Variants in CACNA1C observed in about 807,000 individuals in gnomAD.
The protein encoded by CACNA1C is voltage-dependent L-type calcium channel subunit alpha-1C.
CACNA1C carries 30 observed loss-of-function variants against 229.0 expected under a neutral mutation model. That is an observed-to-expected ratio of 0.13 (90% confidence interval 0.10 to 0.18). The LOEUF is 0.18. Among genes scored for constraint, CACNA1C ranks in the 10% least tolerant of loss-of-function variants. CACNA1C has a pLI of 1.00. For missense variants in CACNA1C, 1,658 were observed against 2,845.0 expected, an observed-to-expected ratio of 0.58 and a Z score of 9.49; for synonymous variants, 1,114 against 1,132.5, an observed-to-expected ratio of 0.98 and a Z score of 0.33.
intron 3 of CACNA1C, among the ~76,000 whole-genome samples, chr12:2,242,092 C>T (rs563050263): frequency 3.3e-5 from 5 of 152,298 alleles, no homozygotes; most frequent in Admixed American, 6.5e-5. Context: ...TCCTCCCAGT[C>T]AGGCCGCATC....
At chr12:2,100,337 T>C (rs945170119) in intron 1 of CACNA1C, among the ~76,000 whole-genome samples, 1 of 151,358 alleles carries the variant, frequency 6.6e-6, no homozygotes, top group Non-Finnish European at 1.5e-5. Context: ...TCCCAGCTAC[T>C]TGGGAGGCTG....
At chr12:2,596,034 TC>T in intron 20 of CACNA1C, 31 bp downstream of exon 20, 1 of 1,588,380 alleles carries the variant, frequency 6.3e-7, no homozygotes. Flanking sequence ...CTGCACTCCT[TC>T]CCCCTGGGGC....
intron 1 of CACNA1C, among the ~76,000 whole-genome samples, chr12:1,983,748 G>A (rs1395756956): frequency 6.6e-6 from 1 of 151,932 alleles, no homozygotes; most frequent in Non-Finnish European, 1.5e-5. Flanking sequence ...AGTTGATAGT[G>A]TTGTTCAAGT....
At chr12:2,414,916 G>T (rs2098848578) in intron 3 of CACNA1C, among the ~76,000 whole-genome samples, 1 of 152,166 alleles carries the variant, frequency 6.6e-6, no homozygotes, top group South Asian at 2.1e-4. Flanking sequence ...CCAAAGGCCA[G>T]TTCTTTTCCC....
At chr12:2,667,301 C>T (rs529795195) in intron 37 of CACNA1C, among the ~76,000 whole-genome samples, 1 of 152,036 alleles carries the variant, frequency 6.6e-6, no homozygotes, top group African/African-American at 2.4e-5. Context: ...TTTTCTCCCT[C>T]CTCTCCACCG....
intron 5 of CACNA1C, among the ~76,000 whole-genome samples, chr12:2,464,881 A>G (rs1289248274): frequency 6.6e-6 from 1 of 152,200 alleles, no homozygotes; most frequent in Middle Eastern, 3.2e-3. Flanking sequence ...TTAGTAGACA[A>G]ATATCTGTGG....
intron 1 of CACNA1C, chr12:2,018,422 T>A (rs1565937449): frequency 6.6e-6 from 1 of 152,226 alleles, no homozygotes; most frequent in African/African-American, 2.4e-5. Context: ...AACAATCGGC[T>A]GGCAAAATTT....
chr12:2,456,654 T>C (rs973971238), intron 4 of CACNA1C, among the ~76,000 whole-genome samples: 1 of 152,214 alleles, frequency 6.6e-6, no homozygotes, highest in Non-Finnish European at 1.5e-5. Context: ...TCACTTCCCA[T>C]AGGCCTCTGC....
At chr12:2,040,704 AC>A (rs1440852891) in intron 1 of CACNA1C, among the ~76,000 whole-genome samples, 3 of 152,254 alleles carry the variant, frequency 2.0e-5, no homozygotes. Context: ...TTCAGGTTGG[AC>A]CAAGAAAGAT....
At position 2,686,351 on chromosome 12, in the gene CACNA1C, T is replaced by G. The variant is rs988024064; in HGVS notation, c.5784+82T>G. 13 of 1,071,920 alleles carry G rather than the reference T, an allele frequency of 1.2e-5. No individual in the cohort carries two copies. The Admixed American group carries it at 2.2e-4, about 18-fold the overall frequency. The allele number at this position is 1,071,920 out of a possible 1,614,324, so 66.4% of individuals were successfully genotyped here. On this transcript the variant is annotated intron_variant, in intron 45 of 46. Coordinates refer to ENST00000399655, the MANE Select transcript of CACNA1C (RefSeq NM_000719.7). The stretch of plus-strand genomic sequence containing the variant: ...AGGGTGACGGACAAATCCTGAAGAC[T>G]TCAGTGGGTCTTGCCTGTCTCAGAT...
chr12:2,525,993 GAGAT>G (rs1222359713), intron 9 of CACNA1C, among the ~76,000 whole-genome samples: 1 of 152,194 alleles, frequency 6.6e-6, no homozygotes, highest in Non-Finnish European at 1.5e-5. Flanking sequence ...GTCTGTTGGG[GAGAT>G]AGATGGAATT....
At chr12:2,638,369 C>T (rs1284315521) in intron 30 of CACNA1C, among the ~76,000 whole-genome samples, 1 of 151,980 alleles carries the variant, frequency 6.6e-6, no homozygotes, top group Non-Finnish European at 1.5e-5. Flanking sequence ...GGTAGCAGGG[C>T]AGGAGGAGCC....
intron 3 of CACNA1C, among the ~76,000 whole-genome samples, chr12:2,180,832 G>T (rs1344953131): frequency 1.3e-5 from 2 of 152,186 alleles, no homozygotes; most frequent in East Asian, 3.8e-4. Context: ...GCAAGTGTTT[G>T]TTGAGTCCCT....
chr12:2,224,840 T>A (rs956683808), intron 3 of CACNA1C, among the ~76,000 whole-genome samples: 1 of 152,166 alleles, frequency 6.6e-6, no homozygotes, highest in Admixed American at 6.5e-5. Flanking sequence ...ATGTCGTATT[T>A]GCTTGCAAAA....
chr12:2,023,757 A>C (rs1019840546), intron 1 of CACNA1C, among the ~76,000 whole-genome samples: 1 of 152,106 alleles, frequency 6.6e-6, no homozygotes, highest in African/African-American at 2.4e-5. Flanking sequence ...TGCAGCTCAC[A>C]GCTTATGGTT....
In CACNA1C at chr12:1,991,056, A is replaced by G. The variant is rs552493848; in HGVS notation, c.139+19855A>G. 22 of 455,198 alleles carry G rather than the reference A, an allele frequency of 4.8e-5. 1 individual carries two copies. The East Asian group carries it at 6.3e-4, about 13-fold the overall frequency. The allele number at this position is 455,198 out of a possible 1,614,324, so 28.2% of individuals were successfully genotyped here. On this transcript the variant is annotated intron_variant, in intron 1 of 46. Transcript: ENST00000682462. ...ATTCCCTTTCACTCTTTGTTGTTCA[A>G]CTGATTCTATTTCTTTTGTATGGAA...
At position 2,665,384 on chromosome 12, in the gene CACNA1C, T is replaced by C. The variant is rs950824411; in HGVS notation, c.4399-197T>C. Among the ~76,000 whole-genome samples, 1 of 152,156 alleles carries C rather than the reference T, an allele frequency of 6.6e-6. No homozygotes were observed. Among genetic ancestry groups the C allele is most frequent in the African/African-American group, 2.4e-5 (1 of 41,444 alleles). On this transcript the variant is annotated intron_variant, in intron 35 of 46. Coordinates refer to ENST00000399655, the MANE Select transcript of CACNA1C (RefSeq NM_000719.7). The surrounding 1 kb of genome is among the most constrained non-coding windows in gnomAD (Gnocchi z 5.9). ...GGAAGCTGTCCAGCCCACCTGTGGGTTCATCACACACAACTCTCAGGGAAA... is the reference window on the plus strand; with the variant it reads ...GGAAGCTGTCCAGCCCACCTGTGGGCTCATCACACACAACTCTCAGGGAAA...
intron 3 of CACNA1C, among the ~76,000 whole-genome samples, chr12:2,120,636 C>T (rs1020236529): frequency 1.4e-5 from 2 of 147,584 alleles, no homozygotes; most frequent in Non-Finnish European, 3.0e-5. Flanking sequence ...AAGAATATTC[C>T]AGTTAGGTGG....
At chr12:2,376,921 G>A (rs749542248) in intron 3 of CACNA1C, among the ~76,000 whole-genome samples, 2 of 152,178 alleles carry the variant, frequency 1.3e-5, no homozygotes, top group Non-Finnish European at 2.9e-5. Flanking sequence ...CCACTAGCTG[G>A]CCAGGAATGG....
Sources: gnomAD v4.1 joint callset for allele counts (sites outside exome capture counted in the v4.1 genomes callset) on GRCh38, gnomAD v4.1.1 for gene constraint, Gnocchi (gnomAD v3.1) non-coding constraint, MANE v1.5 for transcripts, NCBI Gene and HGNC (gene_info 2026-07-23, HGNC 2026-07-21) for gene names.